The following DSC1 variants were observed in gnomAD, a reference collection of about 807,000 sequenced individuals.
DSC1 encodes desmocollin-1.
A neutral mutation model predicts 98.8 loss-of-function variants in DSC1; 79 were observed. The ratio of observed to expected loss-of-function variants is 0.80; its 90% CI spans 0.67 to 0.96. DSC1 has a LOEUF of 0.96. Ranked by LOEUF, DSC1 falls within the 50% of genes least tolerant of loss-of-function variation. The probability of loss-of-function intolerance (pLI) is 0.00; values close to 1 mark genes in which losing one functional copy is unlikely to be tolerated. For synonymous variants in DSC1, 405 were observed against 372.1 expected, an observed-to-expected ratio of 1.09 and a Z score of -1.02; for missense variants, 1,115 against 1,075.9, an observed-to-expected ratio of 1.04 and a Z score of -0.51.
intron 2 of DSC1, among the ~76,000 whole-genome samples, chr18:31,158,705 C>T (rs1428692539): frequency 6.6e-6 from 1 of 152,066 alleles, no homozygotes; most frequent in Non-Finnish European, 1.5e-5. Context: ...CACATTTATT[C>T]TTGGTGGATA....
rs1156372323 is a variant in DSC1, at chr18:31,134,755, CT to C, written c.1692del (p.Val565PhefsTer17). 1 of 1,612,534 alleles carries C rather than the reference CT, an allele frequency of 6.2e-7. No homozygotes were observed. The highest frequency in any genetic ancestry group is 1.1e-5 in the South Asian group (1 of 91,002). On this transcript the variant is annotated frameshift_variant, in exon 12 of 16. Coordinates refer to ENST00000257198, the MANE Select transcript of DSC1 (RefSeq NM_024421.2). LOFTEE classifies it high-confidence loss of function. ...AVGRSCTGTL[V>X]VHLDDYNDHA... is the part of the protein sequence containing the mutation. The stretch of plus-strand genomic sequence containing the variant: ...TGATCGTTGTAATCATCCAAATGAA[CT>C]ACTAATGTTCCAGTGCAAGATCGGC...
At position 31,140,112 on chromosome 18, in the gene DSC1, A is replaced by T. The variant is rs1308169518; in HGVS notation, c.1450T>A (p.Phe484Ile). 1.2e-6 allele frequency: 2 copies of T among 1,613,910 alleles called. No homozygotes were observed. Among genetic ancestry groups the T allele is most frequent in the African/African-American group, 2.7e-5 (2 of 74,908 alleles). Residue 484 changes from phenylalanine (F) to isoleucine (I), a missense_variant, in exon 10 of 16, where the codon TTC (phenylalanine) becomes ATC (isoleucine). Transcript: ENST00000257198. Reference protein sequence around the residue: ...PVKVIQSQDGFPAGQELLGYK... With the variant: ...PVKVIQSQDGIPAGQELLGYK... ...CCAAGGAGTTCTTGGCCAGCTGGGA[A>T]GCCATCTTGACTCTGAATAACTTTC...
At chr18:31,131,378 C>G in intron 15 of DSC1, 1 of 628,724 alleles carries the variant, frequency 1.6e-6, no homozygotes, top group Non-Finnish European at 2.7e-6. Flanking sequence ...ACATATGGCA[C>G]TCCTAGATAA....
chr18:31,157,925 GA>G (rs1167847621), intron 2 of DSC1, among the ~76,000 whole-genome samples: 1 of 152,124 alleles, frequency 6.6e-6, no homozygotes, highest in Admixed American at 6.5e-5. Flanking sequence ...ATAACCGTAT[GA>G]TGTCAGTAGG....
chr18:31,147,367 T>C (rs1372943589), intron 6 of DSC1, among the ~76,000 whole-genome samples: 1 of 152,144 alleles, frequency 6.6e-6, no homozygotes, highest in Admixed American at 6.6e-5. Flanking sequence ...TTAATATGAA[T>C]GGCATTTGTC....
At position 31,142,112 on chromosome 18, in the gene DSC1, G is replaced by T. The variant is rs1319721718; in HGVS notation, c.1147C>A (p.Pro383Thr). Residue 383 changes from proline to threonine, a missense_variant, in exon 9 of 16, where the codon CCA becomes ACA. Coordinates refer to ENST00000257198, the MANE Select transcript of DSC1 (RefSeq NM_024421.2). ...ACAGCCTTTGAGTGAGGAGTGTTTG[G>T]CAAATCCTGATCCTGTACCTTCATT... ...LRMKVQDQDL[P>T]NTPHSKAVYK... 2 of 1,613,086 alleles carry T rather than the reference G, an allele frequency of 1.2e-6. No homozygotes were observed. Among genetic ancestry groups the T allele is most frequent in the Non-Finnish European group, 1.7e-6 (2 of 1,179,714 alleles).
Position 31,130,617 on chromosome 18 carries a change from G to A in DSC1, c.2582C>T (p.Ser861Leu). Reference protein sequence around the residue: ...NYEGKGSLAGSVGCCSDRQEE... With the variant: ...NYEGKGSLAGLVGCCSDRQEE... ...CTGCCGATCGCTGCAGCAACCTACT[G>A]AGCCGGCCAGAGAACCTTTGCCTTC... is the stretch of plus-strand genomic sequence containing the variant. The change falls in exon 16 of 16, where the codon TCA becomes TTA. Residue 861 changes from serine to leucine, a missense_variant. Physicochemically the swap from Ser to Leu is moderately radical, Grantham distance 145. Coordinates refer to ENST00000257198, the MANE Select transcript of DSC1 (RefSeq NM_024421.2). 1 of 1,614,134 alleles carries A rather than the reference G, an allele frequency of 6.2e-7. No individual in the cohort carries two copies. Among genetic ancestry groups the A allele is most frequent in the Non-Finnish European group, 8.5e-7 (1 of 1,180,036 alleles).
chr18:31,148,476 C>T (rs1988893214), intron 6 of DSC1, 22 bp downstream of exon 6: 1 of 1,565,400 alleles, frequency 6.4e-7, no homozygotes, highest in African/African-American at 1.3e-5. Flanking sequence ...TCTTGTCATG[C>T]TACAATAAAA....
Position 31,157,490 on chromosome 18 carries a change from A to G in DSC1, c.232T>C (p.Tyr78His), listed in dbSNP as rs1293411751. The G allele has an allele frequency of 1.2e-6, 2 of 1,614,224 alleles. No individual in the cohort carries two copies. The highest frequency in any genetic ancestry group is 1.7e-5 in the Admixed American group (1 of 60,028). The change falls in exon 3 of 16, where the codon TAC becomes CAC. Residue 78 changes from tyrosine (Y) to histidine (H), a missense_variant. Transcript: ENST00000257198. ...AFRILEDGSI[Y>H]TTHDLILSSE... ...GACAAAATGAGGTCATGTGTTGTGT[A>G]AATTGAGCCATCTTCTAGAATTCTG... is the stretch of plus-strand genomic sequence containing the variant.
chr18:31,152,831 C>T (rs1162271958), intron 5 of DSC1, among the ~76,000 whole-genome samples: 4 of 151,624 alleles, frequency 2.6e-5, no homozygotes, highest in Non-Finnish European at 5.9e-5. Flanking sequence ...TTATTTTAAC[C>T]TCTGCATTGA....
In DSC1 at chr18:31,140,079, C is replaced by T. The variant is rs769435324; in HGVS notation, c.1483G>A (p.Ala495Thr). Residue 495 changes from alanine (A) to threonine (T), a missense_variant, in exon 10 of 16, where the codon GCA (alanine) becomes ACA (threonine). By Grantham distance (58) the Ala-to-Thr change is moderately conservative (BLOSUM62 0). Transcript: ENST00000257198. ...CCACTGGATATTTCCGGGTCCAGTG[C>T]TTTGTATCCAAGGAGTTCTTGGCCA... The part of the protein sequence containing the change: ...PAGQELLGYK[A>T]LDPEISSGEG... 3 of 1,613,994 alleles carry T rather than the reference C, an allele frequency of 1.9e-6. No individual in the cohort carries two copies. The highest frequency in any genetic ancestry group is 3.3e-5 in the Admixed American group (2 of 60,004).
chr18:31,162,453 G>T, intron 1 of DSC1, 79 bp downstream of exon 1: 2 of 1,372,750 alleles, frequency 1.5e-6, no homozygotes, highest in Non-Finnish European at 2.1e-6. Context: ...CTCACTCCTA[G>T]TCTCTTTCAA....
Position 31,132,621 on chromosome 18 carries a change from C to T in DSC1, c.2185G>A (p.Ala729Thr). ...TVKKCFPEDI[A>T]QQNLIVSNTE... Reference sequence around the variant, plus strand: ...TTTGATACAATTAAATTTTGCTGGGCTATGTCTTCTGGAAAACATTTCTTG... The same window carrying T: ...TTTGATACAATTAAATTTTGCTGGGTTATGTCTTCTGGAAAACATTTCTTG... The change falls in exon 14 of 16, where the codon GCC (alanine) becomes ACC (threonine). Residue 729 changes from alanine (A) to threonine (T), a missense_variant. Transcript: ENST00000257198. 1 of 1,613,540 alleles carries T rather than the reference C, an allele frequency of 6.2e-7. No individual in the cohort carries two copies. The highest frequency in any genetic ancestry group is 8.5e-7 in the Non-Finnish European group (1 of 1,179,684).
At chr18:31,159,047 G>GTTTTTTTTTGTT (rs1989155318) in intron 2 of DSC1, among the ~76,000 whole-genome samples, 2 of 71,098 alleles carry the variant, frequency 2.8e-5, no homozygotes, top group Non-Finnish European at 5.1e-5. Flanking sequence ...CTACTATGTG[G>GTTTTTTTTTGTT]TTTTTTTTTT....
intron 8 of DSC1, among the ~76,000 whole-genome samples, chr18:31,143,117 G>T (rs576343782): frequency 6.6e-6 from 1 of 151,492 alleles, no homozygotes; most frequent in Non-Finnish European, 1.5e-5. Context: ...ATATATATAT[G>T]TGTACACAAA....
At chr18:31,154,072 C>T (rs573766615) in intron 5 of DSC1, among the ~76,000 whole-genome samples, 3 of 152,198 alleles carry the variant, frequency 2.0e-5, no homozygotes, top group Middle Eastern at 3.4e-3. Context: ...TATCTCATTT[C>T]ATCAGATGAG....
chr18:31,162,687 G>C lies in DSC1; in HGVS notation c.-93C>G. ...TAAGAAGACGCTGGCACTTGCACAG[G>C]GTATTCTGCTGCCACCTTGATGCAG... On this transcript the variant is annotated 5_prime_UTR_variant, in exon 1 of 16. Coordinates refer to ENST00000257198, the MANE Select transcript of DSC1 (RefSeq NM_024421.2). 4.5e-6 allele frequency: 5 copies of C among 1,104,132 alleles called. No homozygotes were observed. The highest frequency in any genetic ancestry group is 2.4e-5 in the East Asian group (1 of 41,824). 68.4% of individuals were successfully genotyped at this position (1,104,132 alleles called of 1,614,324 possible). A position where few individuals can be genotyped will look rare whatever the true frequency, so the allele number is the denominator to read the frequency against.
chr18:31,149,151 C>G (rs991290784), intron 5 of DSC1, among the ~76,000 whole-genome samples: 2 of 152,072 alleles, frequency 1.3e-5, no homozygotes, highest in Admixed American at 1.3e-4. Context: ...CCAGAAATTC[C>G]ATTTCAAAAT....
chr18:31,150,506 C>T (rs1988979957), intron 5 of DSC1, among the ~76,000 whole-genome samples: 1 of 20,218 alleles, frequency 4.9e-5, no homozygotes, highest in Non-Finnish European at 1.3e-4. Flanking sequence ...ACCACACTAC[C>T]ATCATCACCA....
Sources: gnomAD v4.1 joint callset for allele counts (sites outside exome capture counted in the v4.1 genomes callset) on GRCh38, gnomAD v4.1.1 for gene constraint, MANE v1.5 for transcripts, NCBI Gene and HGNC (gene_info 2026-07-23, HGNC 2026-07-21) for gene names.